Variants in COL5A2 observed in about 807,000 individuals in gnomAD.
The protein encoded by COL5A2 is collagen alpha-2(V) chain.
In COL5A2, 23 loss-of-function variants were observed where a neutral mutation model predicts 208.2. That is an observed-to-expected ratio of 0.11 (90% CI 0.08 to 0.16). The LOEUF (loss-of-function observed/expected upper bound fraction) is 0.16, where lower values mean the gene tolerates loss of function less well. Among genes scored for constraint, COL5A2 ranks in the 10% least tolerant of loss-of-function variants. The pLI is 1.00. For synonymous variants in COL5A2, 625 were observed against 628.5 expected, an observed-to-expected ratio of 0.99 and a Z score of 0.08; for missense variants, 1,590 against 1,956.4, an observed-to-expected ratio of 0.81 and a Z score of 3.53.
chr2:189,076,736 TG>T (rs1686413618), intron 16 of COL5A2, among the ~76,000 whole-genome samples: 1 of 152,078 alleles, frequency 6.6e-6, no homozygotes, highest in African/African-American at 2.4e-5. Flanking sequence ...GGTCCTGGAT[TG>T]GGAGGAGTCG....
the COL5A2 span, among the ~76,000 whole-genome samples, chr2:189,301,591 G>A: frequency 6.6e-6 from 1 of 152,086 alleles, no homozygotes; most frequent in South Asian, 2.1e-4. Context: ...ATTAAAGATT[G>A]TCACTGAAAA....
chr2:189,092,159 T>A, intron 7 of COL5A2, 151 bp downstream of exon 7: 1 of 660,848 alleles, frequency 1.5e-6, no homozygotes, highest in Non-Finnish European at 2.8e-6. Context: ...GTGGGTTTAT[T>A]AGTTCTACTG....
At chr2:189,166,595 T>C (rs950185337) in intron 1 of COL5A2, among the ~76,000 whole-genome samples, 1 of 152,194 alleles carries the variant, frequency 6.6e-6, no homozygotes, top group Admixed American at 6.5e-5. Context: ...CAGTTTCTAT[T>C]AGAAAAGACT....
intron 1 of COL5A2, among the ~76,000 whole-genome samples, chr2:189,177,733 T>C (rs1425337924): frequency 6.6e-6 from 1 of 152,196 alleles, no homozygotes; most frequent in Non-Finnish European, 1.5e-5. Context: ...ATTCCTTACA[T>C]TTATGTCAAT....
At chr2:189,317,996 A>C in the COL5A2 span, among the ~76,000 whole-genome samples, 1 of 152,138 alleles carries the variant, frequency 6.6e-6, no homozygotes, top group African/African-American at 2.4e-5. Flanking sequence ...CTTTAGCACT[A>C]ATTTTAGGAA....
At chr2:189,307,259 C>G in the COL5A2 span, among the ~76,000 whole-genome samples, 1 of 151,966 alleles carries the variant, frequency 6.6e-6, no homozygotes, top group South Asian at 2.1e-4. Flanking sequence ...CAATTGTGTA[C>G]TCTGGTTACA....
At chr2:189,393,448 G>A in the COL5A2 span, among the ~76,000 whole-genome samples, 1 of 151,988 alleles carries the variant, frequency 6.6e-6, no homozygotes, top group Non-Finnish European at 1.5e-5. Context: ...ATATGGACTA[G>A]TACTACAGAG....
intron 1 of COL5A2, among the ~76,000 whole-genome samples, chr2:189,219,225 T>G (rs1437919723): frequency 6.6e-6 from 1 of 152,226 alleles, no homozygotes; most frequent in Non-Finnish European, 1.5e-5. Context: ...GTTAATCTTT[T>G]GTATTTCTTA....
the COL5A2 span, among the ~76,000 whole-genome samples, chr2:189,324,948 A>C: frequency 3.3e-5 from 5 of 152,352 alleles, no homozygotes; most frequent in East Asian, 9.6e-4. Flanking sequence ...CTGGATTAAG[A>C]AAATGTGGCA....
chr2:189,120,155 C>G (rs759323275), intron 1 of COL5A2, among the ~76,000 whole-genome samples: 1 of 152,034 alleles, frequency 6.6e-6, no homozygotes, highest in African/African-American at 2.4e-5. Flanking sequence ...AACTTTGGAT[C>G]AGAGAATGAG....
In COL5A2 at chr2:189,039,342, G is replaced by A. The variant is rs199904322; in HGVS notation, c.3855C>T (p.Pro1285=). ...LSSQIETMRS[P]DGSKKHPART... ...GGGCTGGGTGCTTTTTCGAGCCATC[G>A]GGGCTGCGCATGGTTTCAATCTGAC... The change falls in exon 51 of 54, where the codon CCC becomes CCT. Residue 1285 remains proline (P), a synonymous_variant. Coordinates refer to ENST00000374866, the MANE Select transcript of COL5A2 (RefSeq NM_000393.5). 2.6e-5 allele frequency: 42 copies of A among 1,613,912 alleles called. No individual in the cohort carries two copies. Among genetic ancestry groups the A allele is most frequent in the Admixed American group, 1.2e-4 (7 of 59,994 alleles).
chr2:189,382,851 G>T, the COL5A2 span, among the ~76,000 whole-genome samples: 3 of 152,156 alleles, frequency 2.0e-5, no homozygotes, highest in African/African-American at 4.8e-5. Flanking sequence ...ACAAGGGTGG[G>T]GAGAGTGTAT....
chr2:189,095,489 C>G (rs1686888333), intron 6 of COL5A2, among the ~76,000 whole-genome samples: 1 of 152,010 alleles, frequency 6.6e-6, no homozygotes, highest in South Asian at 2.1e-4. Context: ...CTCTCTCTCT[C>G]TCGCTCTTTC....
upstream of COL5A2, among the ~76,000 whole-genome samples, chr2:189,181,593 G>T (rs1365991180): frequency 1.3e-5 from 2 of 152,094 alleles, no homozygotes; most frequent in Non-Finnish European, 1.5e-5. Context: ...ATACCGAAGG[G>T]CTGGCACAAT....
rs754449722 is a variant in COL5A2, at chr2:189,116,478, C to A, written c.98-6029G>T. The stretch of plus-strand genomic sequence containing the variant: ...TCATTTTGCTTTCCTTAAACAACTC[C>A]CAAATTTGAAAAGTTAGATACATAT... On this transcript the variant is annotated intron_variant, in intron 1 of 53. Transcript: ENST00000374866. 2.0e-5 allele frequency among the ~76,000 whole-genome samples: 3 copies of A among 152,094 alleles called. 1 individual carries two copies. The highest frequency in any genetic ancestry group is 4.4e-5 in the Non-Finnish European group (3 of 68,016).
At chr2:189,079,443 C>T (rs989018024) in intron 14 of COL5A2, among the ~76,000 whole-genome samples, 2 of 152,104 alleles carry the variant, frequency 1.3e-5, no homozygotes, top group Non-Finnish European at 2.9e-5. Flanking sequence ...GTAACACTAT[C>T]TTAAGATCTA....
the COL5A2 span, among the ~76,000 whole-genome samples, chr2:189,246,873 T>C: frequency 6.6e-6 from 1 of 152,226 alleles, no homozygotes; most frequent in East Asian, 1.9e-4. Context: ...GACTCAGCCC[T>C]CTGGACTGAG....
intron 50 of COL5A2, among the ~76,000 whole-genome samples, chr2:189,039,987 G>C (rs1396143307): frequency 1.3e-5 from 2 of 152,104 alleles, no homozygotes; most frequent in African/African-American, 2.4e-5. Flanking sequence ...GTGGCTGCTG[G>C]TTCTATAAGA....
the COL5A2 span, among the ~76,000 whole-genome samples, chr2:189,339,458 A>G: frequency 6.6e-6 from 1 of 152,180 alleles, no homozygotes; most frequent in Non-Finnish European, 1.5e-5. Flanking sequence ...CAGATCATCC[A>G]ACTCTGGATT....
Sources: allele counts gnomAD v4.1 joint callset (sites outside exome capture counted in the v4.1 genomes callset), GRCh38; gene constraint gnomAD v4.1.1; transcripts MANE v1.5; gene names NCBI Gene and HGNC (gene_info 2026-07-23, HGNC 2026-07-21).